Variants in BNC2 observed in about 807,000 individuals in gnomAD.
The protein encoded by BNC2 is basonuclin zinc finger protein 2.
Under a neutral mutation model 76.3 loss-of-function variants are expected in BNC2, and 20 were observed. That is an observed-to-expected ratio of 0.26 (90% CI 0.18 to 0.38). The LOEUF (loss-of-function observed/expected upper bound fraction) is 0.38, where lower values mean the gene tolerates loss of function less well. Among genes scored for constraint, BNC2 ranks in the 10% least tolerant of loss-of-function variants. BNC2 has a pLI of 1.00. For synonymous variants in BNC2, 582 were observed against 514.8 expected, an observed-to-expected ratio of 1.13 and a Z score of -1.77; for missense variants, 1,382 against 1,399.8, an observed-to-expected ratio of 0.99 and a Z score of 0.20.
intron 4 of BNC2, chr9:16,579,934 G>C (rs1819585757): frequency 5.1e-6 from 2 of 395,812 alleles, no homozygotes; most frequent in South Asian, 1.4e-4. Context: ...ATGACAGGTA[G>C]AATGCATTCA....
intron 1 of BNC2, among the ~76,000 whole-genome samples, chr9:16,845,062 G>C (rs931167018): frequency 3.3e-5 from 5 of 152,272 alleles, no homozygotes; most frequent in African/African-American, 1.2e-4. Context: ...CCACCTGTCA[G>C]TACTTCACAG....
At chr9:16,678,034 A>G (rs895091889) in intron 3 of BNC2, among the ~76,000 whole-genome samples, 4 of 152,078 alleles carry the variant, frequency 2.6e-5, no homozygotes, top group East Asian at 3.9e-4. Context: ...ATGAGAATCA[A>G]TTGTAACAAA....
At chr9:16,437,903 G>T (rs1433506735) in intron 5 of BNC2, among the ~76,000 whole-genome samples, 1 of 151,750 alleles carries the variant, frequency 6.6e-6, no homozygotes, top group Non-Finnish European at 1.5e-5. Flanking sequence ...CAATATAAAT[G>T]AAAAAAATGG....
At chr9:16,623,062 A>G (rs1820906296) in intron 3 of BNC2, among the ~76,000 whole-genome samples, 1 of 152,178 alleles carries the variant, frequency 6.6e-6, no homozygotes, top group African/African-American at 2.4e-5. Context: ...TCAGAAATTC[A>G]GTATCTGTTT....
At chr9:16,708,747 A>C (rs1823751324) in intron 3 of BNC2, among the ~76,000 whole-genome samples, 1 of 151,768 alleles carries the variant, frequency 6.6e-6, no homozygotes, top group African/African-American at 2.4e-5. Flanking sequence ...GAAAAGGAAG[A>C]CCGAAGGAAA....
rs2130866133 is a variant in BNC2, at chr9:16,437,492, G to A, written c.702C>T (p.Ala234=). 6.2e-7 allele frequency: 1 copy of A among 1,613,362 alleles called. No individual in the cohort carries two copies. The highest frequency in any genetic ancestry group is 8.5e-7 in the Non-Finnish European group (1 of 1,179,984). ...TGATTTCCTCTTCTCGAGACATGAT[G>A]GCCCAGCGGTCCAGCACCTTGCCAG... is the stretch of plus-strand genomic sequence containing the variant. ...DAAGKVLDRW[A]IMSREEEIIT... The change falls in exon 6 of 7, where the codon GCC becomes GCT. Residue 234 remains alanine, a synonymous_variant. Coordinates refer to ENST00000380672, the MANE Select transcript of BNC2 (RefSeq NM_017637.6).
At chr9:16,756,710 C>G (rs1825392504) in intron 1 of BNC2, among the ~76,000 whole-genome samples, 1 of 152,200 alleles carries the variant, frequency 6.6e-6, no homozygotes, top group Non-Finnish European at 1.5e-5. Context: ...TAGACCTAGG[C>G]TGGGCACAGG....
intron 5 of BNC2, among the ~76,000 whole-genome samples, chr9:16,519,336 G>C (rs761975665): frequency 1.3e-5 from 2 of 152,180 alleles, no homozygotes; most frequent in Non-Finnish European, 2.9e-5. Flanking sequence ...CCAGAGACAA[G>C]GATTCTGAAA....
At chr9:16,613,786 A>G (rs1009992618) in intron 3 of BNC2, among the ~76,000 whole-genome samples, 4 of 152,206 alleles carry the variant, frequency 2.6e-5, no homozygotes, top group African/African-American at 9.6e-5. Flanking sequence ...GGGATTTCCC[A>G]GAAGAAATAG....
chr9:16,780,809 C>T (rs1826132380), intron 1 of BNC2, among the ~76,000 whole-genome samples: 1 of 151,902 alleles, frequency 6.6e-6, no homozygotes, highest in African/African-American at 2.4e-5. Context: ...GATAGAATAC[C>T]TTGCTATGTG....
At chr9:16,834,285 C>T (rs1046677151) in intron 1 of BNC2, among the ~76,000 whole-genome samples, 1 of 152,122 alleles carries the variant, frequency 6.6e-6, no homozygotes, top group African/African-American at 2.4e-5. Flanking sequence ...TTCAGTGTTA[C>T]AGATTTTTGG....
rs1413617056 is a variant in BNC2 at position 16,417,800 on chromosome 9, C to T, written c.*1189G>A. On this transcript the variant is annotated 3_prime_UTR_variant, in exon 7 of 7. Transcript: ENST00000380672. ...GAATAAATGCCTTGGCTGTTTCACA[C>T]CACATAATTTTGTTTTCCTTTTATG... 6.6e-6 allele frequency: 1 copy of T among 152,644 alleles called. No individual in the cohort carries two copies. The highest frequency in any genetic ancestry group is 1.5e-5 in the Non-Finnish European group (1 of 68,032). The allele number at this position is 152,644 out of a possible 1,614,324, so 9.5% of individuals were successfully genotyped here.
chr9:16,787,049 C>T (rs756868018), intron 1 of BNC2, among the ~76,000 whole-genome samples: 10 of 152,128 alleles, frequency 6.6e-5, no homozygotes, highest in Non-Finnish European at 7.4e-5. Flanking sequence ...AGGAAGAGAG[C>T]CAATTAGTAC....
chr9:16,819,291 CG>C (rs1189504697), intron 1 of BNC2, among the ~76,000 whole-genome samples: 1 of 152,154 alleles, frequency 6.6e-6, no homozygotes, highest in Non-Finnish European at 1.5e-5. Flanking sequence ...AATGTGTCAT[CG>C]TTTTTAATAA....
At chr9:16,772,411 A>G (rs556843289) in intron 1 of BNC2, among the ~76,000 whole-genome samples, 1 of 152,092 alleles carries the variant, frequency 6.6e-6, no homozygotes, top group South Asian at 2.1e-4. Context: ...CCAATATAAC[A>G]TTTTTTTCCT....
chr9:16,806,985 A>G lies in BNC2; in HGVS notation c.3+63661T>C, dbSNP rs117714785. Among the ~76,000 whole-genome samples the G allele has an allele frequency of 8.6e-3, 1,283 of 149,140 alleles. 4 individuals carry two copies. The highest frequency in any genetic ancestry group is 0.011 in the Non-Finnish European group (730 of 66,412). On this transcript the variant is annotated intron_variant, in intron 1 of 6. Transcript: ENST00000380672. ...GAGGTGTGCTATAAATTTAACTTTG[A>G]TAAGAAATAGTCTACTTTCTTCTCT...
In BNC2 at chr9:16,722,028, C is replaced by T. The variant is rs116100260; in HGVS notation, c.330+5769G>A. The stretch of plus-strand genomic sequence containing the variant: ...TCTCAAAAGCTTTGCAGACAGATGA[C>T]GGCAGATGCCCAATGCAACTTTTTT... On this transcript the variant is annotated intron_variant, in intron 3 of 6. Coordinates refer to ENST00000380672, the MANE Select transcript of BNC2 (RefSeq NM_017637.6). Among the ~76,000 whole-genome samples the T allele has an allele frequency of 5.5e-3, 839 of 152,204 alleles. 15 individuals carry two copies. The highest frequency in any genetic ancestry group is 0.019 in the African/African-American group (798 of 41,528).
At chr9:16,804,135 G>A (rs1485114968) in intron 1 of BNC2, among the ~76,000 whole-genome samples, 5 of 152,202 alleles carry the variant, frequency 3.3e-5, no homozygotes, top group African/African-American at 2.4e-5. Context: ...GTAGTTTGCC[G>A]CTAGCTATAA....
chr9:16,660,908 C>T (rs374153694), intron 3 of BNC2, among the ~76,000 whole-genome samples: 1 of 152,038 alleles, frequency 6.6e-6, no homozygotes, highest in African/African-American at 2.4e-5. Flanking sequence ...AGATTATATG[C>T]ATAGTAATGC....
Sources: allele counts gnomAD v4.1 joint callset (sites outside exome capture counted in the v4.1 genomes callset), GRCh38; gene constraint gnomAD v4.1.1; transcripts MANE v1.5; gene names NCBI Gene and HGNC (gene_info 2026-07-23, HGNC 2026-07-21).